The following ANK2 variants were observed in gnomAD, a reference collection of about 807,000 sequenced individuals.
The protein encoded by ANK2 is ankyrin-2.
In ANK2, 83 loss-of-function variants were observed where a neutral mutation model predicts 360.5. The ratio of observed to expected loss-of-function variants is 0.23; its 90% CI spans 0.19 to 0.28. The LOEUF is 0.28. Among genes scored for constraint, ANK2 ranks in the 10% least tolerant of loss-of-function variants. The probability of loss-of-function intolerance (pLI) is 1.00; values close to 1 mark genes in which losing one functional copy is unlikely to be tolerated. For missense variants in ANK2, 4,201 were observed against 4,795.7 expected (o/e 0.88, Z 3.66); for synonymous variants, 1,740 against 1,759.5 (o/e 0.99, Z 0.28).
intron 1 of ANK2, among the ~76,000 whole-genome samples, chr4:113,139,046 T>C (rs2096545575): frequency 6.6e-6 from 1 of 152,222 alleles, no homozygotes; most frequent in Non-Finnish European, 1.5e-5. Context: ...TGATCATTAG[T>C]ACAATACTCC....
intron 1 of ANK2, among the ~76,000 whole-genome samples, chr4:112,902,302 C>T (rs1393313569): frequency 6.6e-6 from 1 of 152,200 alleles, no homozygotes; most frequent in Admixed American, 6.5e-5. Flanking sequence ...CTGAGTGCAA[C>T]CAGTTCTAAA....
chr4:112,798,995 T>G, the ANK2 span, among the ~76,000 whole-genome samples: 2 of 152,194 alleles, frequency 1.3e-5, no homozygotes. Flanking sequence ...CCCCAGTCCC[T>G]GGCAACCACC....
the ANK2 span, among the ~76,000 whole-genome samples, chr4:112,782,885 C>T: frequency 6.6e-6 from 1 of 150,796 alleles, no homozygotes; most frequent in African/African-American, 2.4e-5. Context: ...AAACAAAAAA[C>T]AAAAAACCAG....
chr4:112,813,620 C>T (rs2055454150), upstream of ANK2, among the ~76,000 whole-genome samples: 2 of 152,118 alleles, frequency 1.3e-5, no homozygotes, highest in Non-Finnish European at 1.5e-5. Flanking sequence ...ACTGCAGCCT[C>T]GACCTCCCAG....
At chr4:113,342,467 G>A (rs780701824) in intron 33 of ANK2, among the ~76,000 whole-genome samples, 3 of 152,244 alleles carry the variant, frequency 2.0e-5, no homozygotes, top group Admixed American at 6.5e-5. Context: ...TTGGGAGGCC[G>A]AGGTGGGTGG....
At chr4:112,835,351 A>G (rs74600976) in intron 1 of ANK2, among the ~76,000 whole-genome samples, 2,676 of 152,200 alleles carry the variant, frequency 0.018, 85 homozygotes, top group African/African-American at 0.059. Context: ...CTATAATTTA[A>G]TTGGTCATCT....
At position 112,880,062 on chromosome 4, in the gene ANK2, ACTCT is replaced by A. The variant is rs34333706; in HGVS notation, c.-39-24383_-39-24380del. On this transcript the variant is annotated intron_variant, in intron 1 of 30. Transcript: ENST00000503271. ...GACACAGACACTCACACACACACAC[ACTCT>A]CTCTCTCTCACACACACACACACAC... Among the ~76,000 whole-genome samples, 952 of 148,402 alleles carry A rather than the reference ACTCT, an allele frequency of 6.4e-3. 27 individuals carry two copies. The highest frequency in any genetic ancestry group is 0.043 in the East Asian group (220 of 5,090).
intron 13 of ANK2, among the ~76,000 whole-genome samples, chr4:113,259,946 C>A (rs1003966323): frequency 2.0e-5 from 3 of 151,944 alleles, no homozygotes; most frequent in Non-Finnish European, 2.9e-5. Flanking sequence ...TGTTCTTGCC[C>A]GCCTTTTCCT....
chr4:113,154,644 T>A (rs2097213063), intron 1 of ANK2, among the ~76,000 whole-genome samples: 2 of 152,348 alleles, frequency 1.3e-5, no homozygotes, highest in African/African-American at 4.8e-5. Context: ...ATCTGTAGAA[T>A]TAATTATTCA....
chr4:112,924,991 A>C (rs1469289757), intron 2 of ANK2, among the ~76,000 whole-genome samples: 1 of 151,954 alleles, frequency 6.6e-6, no homozygotes, highest in Non-Finnish European at 1.5e-5. Context: ...GGTGCCTGCC[A>C]CCACACCCGG....
chr4:112,712,200 C>A, the ANK2 span, among the ~76,000 whole-genome samples: 1 of 149,860 alleles, frequency 6.7e-6, no homozygotes, highest in African/African-American at 2.4e-5. Flanking sequence ...CTGCCTCAGA[C>A]TCCCGAGTAG....
chr4:113,017,937 G>A (rs551463525), intron 2 of ANK2, among the ~76,000 whole-genome samples: 2 of 152,158 alleles, frequency 1.3e-5, no homozygotes, highest in Non-Finnish European at 2.9e-5. Context: ...AATTGGATGT[G>A]GTGGGTATAA....
chr4:112,799,642 T>C, the ANK2 span, among the ~76,000 whole-genome samples: 1 of 151,812 alleles, frequency 6.6e-6, no homozygotes, highest in Non-Finnish European at 1.5e-5. Context: ...TCAGCCTCTC[T>C]AGTAGCTGGG....
chr4:112,984,695 T>C (rs1254050174), intron 2 of ANK2, among the ~76,000 whole-genome samples: 1 of 152,202 alleles, frequency 6.6e-6, no homozygotes, highest in Non-Finnish European at 1.5e-5. Context: ...GAGGAATGGA[T>C]GTGTAGAGCC....
chr4:112,948,347 G>T (rs1287265432), intron 2 of ANK2, among the ~76,000 whole-genome samples: 1 of 152,098 alleles, frequency 6.6e-6, no homozygotes, highest in East Asian at 1.9e-4. Flanking sequence ...TCATTCATTT[G>T]TGAGAGTTGA....
the ANK2 span, among the ~76,000 whole-genome samples, chr4:112,771,131 C>T: frequency 6.6e-5 from 10 of 151,866 alleles, no homozygotes; most frequent in Admixed American, 2.6e-4. Context: ...TTTTTTTTCA[C>T]GATGGAGTTT....
At chr4:112,957,082 T>C (rs1405782215) in intron 2 of ANK2, among the ~76,000 whole-genome samples, 1 of 145,474 alleles carries the variant, frequency 6.9e-6, no homozygotes, top group African/African-American at 2.6e-5. Context: ...GGCAGGGTCA[T>C]AGGACAATAG....
At chr4:112,811,101 A>T in the ANK2 span, among the ~76,000 whole-genome samples, 2 of 149,870 alleles carry the variant, frequency 1.3e-5, no homozygotes, top group Admixed American at 6.7e-5. Context: ...ATGCCCGCTA[A>T]TTTTTTTTTG....
In ANK2 at chr4:113,381,769, C is replaced by A; in HGVS notation, c.*298C>A. Reference sequence around the variant, plus strand: ...GACATTTCCACTGTTAGCAAATATACGGCATTTTGCTTTAGTTTTCCCCCA... The same window carrying A: ...GACATTTCCACTGTTAGCAAATATAAGGCATTTTGCTTTAGTTTTCCCCCA... On this transcript the variant is annotated 3_prime_UTR_variant, in exon 46 of 46. Coordinates refer to ENST00000357077, the MANE Select transcript of ANK2 (RefSeq NM_001148.6). 2 of 995,170 alleles carry A rather than the reference C, an allele frequency of 2.0e-6. No individual in the cohort carries two copies. The highest frequency in any genetic ancestry group is 1.6e-5 in the South Asian group (1 of 62,872). 61.6% of individuals were successfully genotyped at this position (995,170 alleles called of 1,614,324 possible). A position where few individuals can be genotyped will look rare whatever the true frequency, so the allele number is the denominator to read the frequency against.
Sources: allele counts gnomAD v4.1 joint callset (sites outside exome capture counted in the v4.1 genomes callset), GRCh38; gene constraint gnomAD v4.1.1; transcripts MANE v1.5; gene names NCBI Gene and HGNC (gene_info 2026-07-23, HGNC 2026-07-21).